Variants in MAP2K2 observed in about 807,000 individuals in gnomAD.
The protein encoded by MAP2K2 is mitogen-activated protein kinase kinase 2.
A neutral mutation model predicts 43.7 loss-of-function variants in MAP2K2; 24 were observed. The observed-to-expected ratio is 0.55, with a 90% CI of 0.40 to 0.77. The LOEUF is 0.77. MAP2K2 is among the 30% of genes least tolerant of loss of function. The pLI is 0.00. For missense variants in MAP2K2, 470 were observed against 566.8 expected (o/e 0.83, Z 1.73); for synonymous variants, 244 against 239.7 (o/e 1.02, Z -0.17).
rs375760784 is a variant in MAP2K2, at chr19:4,107,297, G to A, written c.450+3212C>T. Among the ~76,000 whole-genome samples the A allele has an allele frequency of 3.9e-4, 59 of 152,194 alleles. 1 individual carries two copies. The highest frequency in any genetic ancestry group is 3.5e-3 in the East Asian group (18 of 5,186). ...CCAGCACTTTTGGGAGGCAGAGGCA[G>A]GCGGATCACGAGGTCAGGAGATCGA... is the stretch of plus-strand genomic sequence containing the variant. On this transcript the variant is annotated intron_variant, in intron 3 of 10. Transcript: ENST00000262948.
At chr19:4,108,158 C>G (rs143911983) in intron 3 of MAP2K2, among the ~76,000 whole-genome samples, 74 of 152,302 alleles carry the variant, frequency 4.9e-4, no homozygotes, top group Non-Finnish European at 8.7e-4. Context: ...GGGATGGCCC[C>G]CTTGGATGAC....
At chr19:4,109,536 T>C (rs559278490) in intron 3 of MAP2K2, among the ~76,000 whole-genome samples, 4 of 152,312 alleles carry the variant, frequency 2.6e-5, no homozygotes, top group African/African-American at 7.2e-5. Context: ...CCTCCTGGGC[T>C]CAAGTGATCT....
intron 2 of MAP2K2, among the ~76,000 whole-genome samples, chr19:4,111,651 C>A (rs1014228853): frequency 1.1e-4 from 16 of 152,314 alleles, no homozygotes; most frequent in African/African-American, 3.4e-4. Flanking sequence ...AGCCAAAGAT[C>A]CGCTCAAGAG....
At chr19:4,117,048 G>C (rs1190659425) in intron 2 of MAP2K2, among the ~76,000 whole-genome samples, 1 of 152,244 alleles carries the variant, frequency 6.6e-6, no homozygotes, top group Non-Finnish European at 1.5e-5. Context: ...ATCGCCCTGA[G>C]GTGGCTGTAC....
Position 4,123,918 on chromosome 19 carries a change from C to T in MAP2K2, c.-43G>A. On this transcript the variant is annotated 5_prime_UTR_variant, in exon 1 of 11. Transcript: ENST00000262948. Reference sequence around the variant, plus strand: ...GCGGCGGCGGCGCCTCTAGCCGGGGCCCATAGGGGGCGGGCCGGGAGCGGT... The same window carrying T: ...GCGGCGGCGGCGCCTCTAGCCGGGGTCCATAGGGGGCGGGCCGGGAGCGGT... 1.6e-6 allele frequency: 2 copies of T among 1,229,630 alleles called. No individual in the cohort carries two copies. The highest frequency in any genetic ancestry group is 2.1e-6 in the Non-Finnish European group (2 of 957,454). 76.2% of individuals were successfully genotyped at this position (1,229,630 alleles called of 1,614,324 possible). A position where few individuals can be genotyped will look rare whatever the true frequency, so the allele number is the denominator to read the frequency against.
In MAP2K2 at chr19:4,097,367, T is replaced by C. The variant is rs146376140; in HGVS notation, c.920-24A>G. Reference sequence around the variant, plus strand: ...ACCTGCACAGGGAGAGAGATGGAGGTGAGATGGGCCGATGGCCACCTCACT... The same window carrying C: ...ACCTGCACAGGGAGAGAGATGGAGGCGAGATGGGCCGATGGCCACCTCACT... On this transcript the variant is annotated intron_variant, in intron 7 of 10. Transcript: ENST00000262948. 5,089 of 1,598,420 alleles carry C rather than the reference T, an allele frequency of 3.2e-3. 100 individuals are homozygous for C. In the East Asian group the frequency reaches 0.047, roughly 15 times the overall value.
intron 3 of MAP2K2, 21 bp from the exon 4 acceptor site, chr19:4,102,474 G>C (rs1414120118): frequency 9.0e-6 from 14 of 1,564,144 alleles, no homozygotes; most frequent in Non-Finnish European, 1.2e-5. Flanking sequence ...CACAAGGAGT[G>C]AGTGCAGGCT....
intron 2 of MAP2K2, among the ~76,000 whole-genome samples, chr19:4,117,048 G>A (rs1190659425): frequency 3.3e-5 from 5 of 152,244 alleles, no homozygotes; most frequent in Admixed American, 1.3e-4. Flanking sequence ...ATCGCCCTGA[G>A]GTGGCTGTAC....
In MAP2K2 at chr19:4,101,804, G is replaced by C. The variant is rs1330397398; in HGVS notation, c.529-524C>G. Among the ~76,000 whole-genome samples, 10 of 152,190 alleles carry C rather than the reference G, an allele frequency of 6.6e-5. No individual in the cohort carries two copies. Among genetic ancestry groups the C allele is most frequent in the Admixed American group, 6.5e-4 (10 of 15,284 alleles). ...GCTTTCAACTCGGAAACGCGTGTCT[G>C]GCAGCATGCGTCCTGTGTCTTAATC... On this transcript the variant is annotated intron_variant, in intron 4 of 10. Transcript: ENST00000262948. This position sits in a 1 kb window ranked among gnomAD's most constrained non-coding sequence, Gnocchi z 6.3.
At chr19:4,111,057 G>A (rs1188828889) in intron 2 of MAP2K2, among the ~76,000 whole-genome samples, 1 of 152,172 alleles carries the variant, frequency 6.6e-6, no homozygotes, top group Admixed American at 6.6e-5. Flanking sequence ...CATAATATGT[G>A]ATCCCATTTC....
At chr19:4,116,855 G>A (rs2041227725) in intron 2 of MAP2K2, among the ~76,000 whole-genome samples, 1 of 152,088 alleles carries the variant, frequency 6.6e-6, no homozygotes, top group Admixed American at 6.5e-5. Context: ...CTTGAACCCA[G>A]GAGGCGGAGG....
intron 2 of MAP2K2, 56 bp downstream of exon 2, chr19:4,117,363 T>G (rs2145079397): frequency 6.4e-7 from 1 of 1,550,772 alleles, no homozygotes; most frequent in South Asian, 1.1e-5. Context: ...CTGCCTCCTG[T>G]TTCCAGGGGG....
chr19:4,115,283 C>T lies in MAP2K2; in HGVS notation c.303+2136G>A, dbSNP rs1283350345. ...CGCCTGCCCTCAGGTTCAAAGGCCCCGATCTCCCTTTCCCCGCTACAGTAA... is the reference window on the plus strand; with the variant it reads ...CGCCTGCCCTCAGGTTCAAAGGCCCTGATCTCCCTTTCCCCGCTACAGTAA... On this transcript the variant is annotated intron_variant, in intron 2 of 10. Transcript: ENST00000262948. This position sits in a 1 kb window ranked among gnomAD's most constrained non-coding sequence, Gnocchi z 4.1. 1.3e-5 allele frequency among the ~76,000 whole-genome samples: 2 copies of T among 152,172 alleles called. No homozygotes were observed. The highest frequency in any genetic ancestry group is 6.5e-5 in the Admixed American group (1 of 15,272).
intron 3 of MAP2K2, among the ~76,000 whole-genome samples, chr19:4,109,674 C>G (rs575851930): frequency 2.6e-4 from 39 of 152,206 alleles, no homozygotes; most frequent in Non-Finnish European, 3.1e-4. Flanking sequence ...TGGTTTCTCA[C>G]TATGTTGCCC....
In MAP2K2 at chr19:4,117,620, C is replaced by T. The variant is rs549772449; in HGVS notation, c.102G>A (p.Leu34=). 1 of 1,614,006 alleles carries T rather than the reference C, an allele frequency of 6.2e-7. No individual in the cohort carries two copies. Among genetic ancestry groups the T allele is most frequent in the Non-Finnish European group, 8.5e-7 (1 of 1,180,038 alleles). Residue 34 remains leucine (L), a synonymous_variant, in exon 2 of 11, where the codon CTG becomes CTA. Coordinates refer to ENST00000262948, the MANE Select transcript of MAP2K2 (RefSeq NM_030662.4). The part of the protein sequence containing the change: ...PTSEGASEAN[L]VDLQKKLEEL... ...CCTCCAGCTTCTTCTGCAGGTCCAC[C>T]AGGTTTGCCCTGCAGAGACCCCCCA...
intron 2 of MAP2K2, among the ~76,000 whole-genome samples, chr19:4,114,427 C>T (rs768098132): frequency 1.6e-4 from 25 of 152,186 alleles, no homozygotes; most frequent in Admixed American, 3.9e-4. Flanking sequence ...GTGTGACCGC[C>T]ACCCTGGAAG....
intron 9 of MAP2K2, chr19:4,095,033 G>A (rs2040896771): frequency 5.5e-6 from 2 of 360,874 alleles, no homozygotes; most frequent in Non-Finnish European, 1.0e-5. Flanking sequence ...TGGGGCTGGC[G>A]ACCCTCCCAG....
chr19:4,101,057 T>C lies in MAP2K2; in HGVS notation c.667A>G (p.Met223Val), dbSNP rs2041000929. The C allele has an allele frequency of 1.3e-6, 2 of 1,582,500 alleles. No homozygotes were observed. Among genetic ancestry groups the C allele is most frequent in the African/African-American group, 1.3e-5 (1 of 74,074 alleles). Residue 223 changes from methionine to valine, a missense_variant, in exon 6 of 11, where the codon ATG becomes GTG. Physicochemically the swap from Met to Val is conservative, Grantham distance 21. Transcript: ENST00000262948. The surrounding 1 kb of genome is among the most constrained non-coding windows in gnomAD (Gnocchi z 6.3). ...CGCGTGCCCACGAAGGAGTTGGCCA[T>C]GGAGTCGATGAGCTGGCCGCTCACC... Reference protein sequence around the residue: ...FGVSGQLIDSMANSFVGTRSY... With the variant: ...FGVSGQLIDSVANSFVGTRSY...
intron 6 of MAP2K2, 70 bp downstream of exon 6, chr19:4,100,949 G>A (rs2145053371): frequency 6.5e-7 from 1 of 1,534,730 alleles, no homozygotes; most frequent in Non-Finnish European, 8.8e-7. Context: ...GGCTGGCAGA[G>A]CTGGGTGGGG....
Sources: gnomAD v4.1 joint callset for allele counts (sites outside exome capture counted in the v4.1 genomes callset) on GRCh38, gnomAD v4.1.1 for gene constraint, Gnocchi (gnomAD v3.1) non-coding constraint, MANE v1.5 for transcripts, NCBI Gene and HGNC (gene_info 2026-07-23, HGNC 2026-07-21) for gene names.